CDHR2: variants seen among roughly 807,000 people sequenced by gnomAD.
CDHR2 encodes the protein cadherin related family member 2.
CDHR2 carries 104 observed loss-of-function variants against 138.6 expected under a neutral mutation model. The observed-to-expected ratio is 0.75, with a 90% CI of 0.64 to 0.88. CDHR2 has a LOEUF of 0.88. Ranked by LOEUF, CDHR2 falls within the 40% of genes least tolerant of loss-of-function variation. CDHR2 has a pLI of 0.00. For synonymous variants in CDHR2, 755 were observed against 742.8 expected (o/e 1.02, Z -0.27); for missense variants, 1,624 against 1,727.6 (o/e 0.94, Z 1.06).
rs1201880348 is a variant in CDHR2 at position 176,591,430 on chromosome 5, A to G, written c.3680A>G (p.Asn1227Ser). 14 of 1,613,924 alleles carry G rather than the reference A, an allele frequency of 8.7e-6. No individual in the cohort carries two copies. Among genetic ancestry groups the G allele is most frequent in the South Asian group, 1.1e-5 (1 of 91,090 alleles). Residue 1227 changes from asparagine to serine, a missense_variant, in exon 30 of 32, where the codon AAC (asparagine) becomes AGC (serine). Asn to Ser is a conservative substitution (Grantham distance 46). Transcript: ENST00000261944. Reference protein sequence around the residue: ...ERANPMLNLPNKDLGLEYLSP... With the variant: ...ERANPMLNLPSKDLGLEYLSP... ...GCCAACCCCATGCTGAACCTCCCCA[A>G]CAAAGACCTGGGCTTGGAGTACCTC...
chr5:176,577,858 G>C (rs1258516435), intron 14 of CDHR2, 60 bp downstream of exon 14: 1 of 1,468,288 alleles, frequency 6.8e-7, no homozygotes, highest in Non-Finnish European at 9.1e-7. Context: ...GCATGTGTGA[G>C]TGTGAGAGTG....
In CDHR2 at chr5:176,590,621, G is replaced by C. The variant is rs148287293; in HGVS notation, c.3473G>C (p.Gly1158Ala). 1.3e-4 allele frequency: 205 copies of C among 1,614,020 alleles called. 1 individual carries two copies. The African/African-American group carries it at 2.6e-3, about 20-fold the overall frequency. ...AAACAGCTCATCAGTGTCATCATAG[G>C]ATTGGGAGTGGCTTTGCTGCTGGTC... Reference protein sequence around the residue: ...LSKQLISVIIGLGVALLLVLV... With the variant: ...LSKQLISVIIALGVALLLVLV... The change falls in exon 28 of 32, where the codon GGA becomes GCA. Residue 1158 changes from glycine (G) to alanine (A), a missense_variant. Physicochemically the swap from Gly to Ala is moderately conservative, Grantham distance 60. Coordinates refer to ENST00000261944, the MANE Select transcript of CDHR2 (RefSeq NM_017675.6).
chr5:176,588,333 AGT>A (rs201283283), intron 21 of CDHR2, among the ~76,000 whole-genome samples: 4,243 of 150,496 alleles, frequency 0.028, 197 homozygotes, highest in African/African-American at 0.099. Context: ...TGACTGTGCA[AGT>A]GTGTGAATGT....
At chr5:176,587,416 C>T (rs770424736) in intron 21 of CDHR2, among the ~76,000 whole-genome samples, 3 of 152,052 alleles carry the variant, frequency 2.0e-5, no homozygotes, top group Non-Finnish European at 2.9e-5. Context: ...CCATTGCACT[C>T]CAGCCTGGGC....
chr5:176,551,118 C>G (rs1561864098), intron 1 of CDHR2, among the ~76,000 whole-genome samples: 1 of 152,212 alleles, frequency 6.6e-6, no homozygotes, highest in African/African-American at 2.4e-5. Flanking sequence ...AAACGATTCT[C>G]CTGCCTCAGC....
At chr5:176,582,609 C>T (rs534962152) in intron 17 of CDHR2, among the ~76,000 whole-genome samples, 1 of 152,252 alleles carries the variant, frequency 6.6e-6, no homozygotes, top group Non-Finnish European at 1.5e-5. Context: ...CATAGCGAGA[C>T]CCCATCTCTA....
intron 5 of CDHR2, among the ~76,000 whole-genome samples, chr5:176,570,501 C>T (rs1758200282): frequency 6.6e-6 from 1 of 152,190 alleles, no homozygotes; most frequent in South Asian, 2.1e-4. Context: ...GCTCACCAAC[C>T]ATACTCAGCT....
intron 1 of CDHR2, among the ~76,000 whole-genome samples, chr5:176,544,039 C>G (rs1448005466): frequency 6.6e-6 from 1 of 152,260 alleles, no homozygotes; most frequent in Non-Finnish European, 1.5e-5. Context: ...GGCTGCACCC[C>G]GCCGCGGGCC....
rs1458511556 is a variant in CDHR2 at position 176,575,734 on chromosome 5, G to A, written c.855G>A (p.Arg285=). The A allele has an allele frequency of 3.2e-6, 5 of 1,575,612 alleles. No individual in the cohort carries two copies. The highest frequency in any genetic ancestry group is 1.4e-5 in the African/African-American group (1 of 73,824). ...CTTTCTCCTTGCCAGACTCCACGCG[G>A]CCCGGCTGGTTTGACATCGGGGCAG... The part of the protein sequence containing the change: ...PVIYSISYST[R]PGWFDIGADG... The change falls in exon 11 of 32, where the codon CGG becomes CGA. Residue 285 remains arginine, a synonymous_variant. Transcript: ENST00000261944.
chr5:176,547,098 C>T (rs1757601219), upstream of CDHR2, among the ~76,000 whole-genome samples: 1 of 151,998 alleles, frequency 6.6e-6, no homozygotes, highest in Admixed American at 6.6e-5. Context: ...CCTGCCTCAG[C>T]CTCCTGAGTA....
intron 6 of CDHR2, among the ~76,000 whole-genome samples, chr5:176,573,498 T>A (rs1252698748): frequency 2.8e-5 from 4 of 144,626 alleles, no homozygotes; most frequent in Non-Finnish European, 6.1e-5. Flanking sequence ...ATAAAAAAAA[T>A]TAGCTAGGCA....
At chr5:176,575,633 C>G in intron 10 of CDHR2, 52 bp downstream of exon 10, 1 of 1,605,096 alleles carries the variant, frequency 6.2e-7, no homozygotes, top group Non-Finnish European at 8.5e-7. Context: ...AGGGTGGGGT[C>G]TCCGTCAGAG....
At chr5:176,589,216 G>A (rs1435078513) in intron 22 of CDHR2, 34 bp downstream of exon 22, 2 of 1,612,798 alleles carry the variant, frequency 1.2e-6, no homozygotes, top group Non-Finnish European at 1.7e-6. Context: ...GGAGGTTGCG[G>A]GGAGGGGCCC....
upstream of CDHR2, among the ~76,000 whole-genome samples, chr5:176,548,029 A>G (rs1373805906): frequency 6.6e-6 from 1 of 152,124 alleles, no homozygotes; most frequent in Non-Finnish European, 1.5e-5. Flanking sequence ...ACCACCTACT[A>G]CACACCCAGT....
At chr5:176,556,452 G>T (rs1757827248) in intron 1 of CDHR2, among the ~76,000 whole-genome samples, 1 of 152,182 alleles carries the variant, frequency 6.6e-6, no homozygotes, top group Admixed American at 6.5e-5. Flanking sequence ...GGATCACAAG[G>T]TCAGGAGATC....
At chr5:176,592,475 T>G (rs1392635765) in intron 30 of CDHR2, among the ~76,000 whole-genome samples, 1 of 119,222 alleles carries the variant, frequency 8.4e-6, no homozygotes, top group Non-Finnish European at 1.7e-5. Flanking sequence ...GTGTTGGTGT[T>G]GAGGTGATGG....
intron 21 of CDHR2, among the ~76,000 whole-genome samples, chr5:176,587,941 A>G (rs1042750161): frequency 1.3e-5 from 2 of 152,232 alleles, no homozygotes; most frequent in African/African-American, 4.8e-5. Flanking sequence ...GAGTTTAGCC[A>G]CGGCAATTTT....
intron 20 of CDHR2, among the ~76,000 whole-genome samples, chr5:176,586,384 C>T (rs1581148120): frequency 6.6e-6 from 1 of 152,180 alleles, no homozygotes; most frequent in African/African-American, 2.4e-5. Flanking sequence ...TTAGTAGAGA[C>T]AGGGTTTCAT....
In CDHR2 at chr5:176,592,606, G is replaced by C. The variant is rs998092335; in HGVS notation, c.3735-117G>C. The C allele has an allele frequency of 3.0e-5, 24 of 788,878 alleles. No individual in the cohort carries two copies. The Admixed American group carries it at 4.4e-4, about 15-fold the overall frequency. The allele number at this position is 788,878 out of a possible 1,614,324, so 48.9% of individuals were successfully genotyped here. A position where few individuals can be genotyped will look rare whatever the true frequency, so the allele number is the denominator to read the frequency against. On this transcript the variant is annotated intron_variant, in intron 30 of 31. Coordinates refer to ENST00000261944, the MANE Select transcript of CDHR2 (RefSeq NM_017675.6). ...TTGTGATGATGGTGGTGGTGGTGAT[G>C]GTGATGATGGTGGTAGTCGTGGTGA...
Sources: allele counts gnomAD v4.1 joint callset (sites outside exome capture counted in the v4.1 genomes callset), GRCh38; gene constraint gnomAD v4.1.1; transcripts MANE v1.5; gene names NCBI Gene and HGNC (gene_info 2026-07-23, HGNC 2026-07-21).